Variants in B3GALNT1 observed in about 807,000 individuals in gnomAD.
B3GALNT1 encodes the protein UDP-GalNAc:beta-1,3-N-acetylgalactosaminyltransferase 1.
B3GALNT1 carries 17 observed loss-of-function variants against 27.3 expected under a neutral mutation model. The observed-to-expected ratio is 0.62, with a 90% confidence interval of 0.43 to 0.94. The LOEUF (loss-of-function observed/expected upper bound fraction) is 0.94, where lower values mean the gene tolerates loss of function less well. B3GALNT1 is among the 40% of genes least tolerant of loss of function. B3GALNT1 has a pLI of 0.00. For missense variants in B3GALNT1, 347 were observed against 390.0 expected (o/e 0.89, Z 0.93); for synonymous variants, 141 against 144.0 (o/e 0.98, Z 0.15).
At chr3:161,093,037 G>A (rs778219210) in intron 4 of B3GALNT1, among the ~76,000 whole-genome samples, 1 of 152,040 alleles carries the variant, frequency 6.6e-6, no homozygotes, top group African/African-American at 2.4e-5. Flanking sequence ...GATTACAGAC[G>A]TGAGCCACCG....
At chr3:161,098,483 G>C (rs142475752) in intron 4 of B3GALNT1, among the ~76,000 whole-genome samples, 1 of 152,314 alleles carries the variant, frequency 6.6e-6, no homozygotes, top group East Asian at 1.9e-4. Context: ...GGAGGCCAAG[G>C]CTGGCAGACT....
chr3:161,090,289 C>T (rs1724357236), intron 4 of B3GALNT1, among the ~76,000 whole-genome samples: 1 of 151,694 alleles, frequency 6.6e-6, no homozygotes, highest in Non-Finnish European at 1.5e-5. Flanking sequence ...ACTTATAATC[C>T]TAATGGGAGA....
chr3:161,104,734 T>C (rs36046993), intron 1 of B3GALNT1: 4,248 of 175,528 alleles, frequency 0.024, 205 homozygotes, highest in African/African-American at 0.097. Context: ...GGCCCTTCCC[T>C]AGCGCTCCGG....
Position 161,101,846 on chromosome 3 carries a change from C to T in B3GALNT1, c.-129-613G>A, listed in dbSNP as rs563157069. Among the ~76,000 whole-genome samples the T allele has an allele frequency of 2.0e-4, 30 of 152,300 alleles. No individual in the cohort carries two copies. The South Asian group carries it at 6.2e-3, about 32-fold the overall frequency. On this transcript the variant is annotated intron_variant, in intron 3 of 4. Transcript: ENST00000320474. ...ATCTTAGAAAGTGCGTAACTCCATT[C>T]TCAACGACAAAGTCTGTAACCAAAA...
chr3:161,102,706 C>G (rs1732029249), intron 3 of B3GALNT1, among the ~76,000 whole-genome samples: 1 of 152,138 alleles, frequency 6.6e-6, no homozygotes, highest in Non-Finnish European at 1.5e-5. Flanking sequence ...CGTGCTTGAC[C>G]CCATCCATGT....
At position 161,086,654 on chromosome 3, in the gene B3GALNT1, C is replaced by T; in HGVS notation, c.101G>A (p.Trp34Ter). ...ATTGTAGTGGGGAAGGCTGAGGTAC[C>T]ACATCACAAAGAAACTCAGGAGTGA... Reference protein sequence around the residue: ...LLSLLSFFVMWYLSLPHYNVI... With the variant: ...LLSLLSFFVM The change falls in exon 5 of 5, where the codon TGG (tryptophan) becomes TAG (stop). Residue 34 changes from tryptophan (W) to a stop codon, truncating the protein, a stop_gained. Transcript: ENST00000320474. LOFTEE classifies it high-confidence loss of function. 6.2e-7 allele frequency: 1 copy of T among 1,614,130 alleles called. No homozygotes were observed.
At chr3:161,087,245 G>C (rs1722521306) in intron 4 of B3GALNT1, among the ~76,000 whole-genome samples, 2 of 152,130 alleles carry the variant, frequency 1.3e-5, no homozygotes, top group South Asian at 4.1e-4. Flanking sequence ...AATAAACGAA[G>C]GGTCTTTCTC....
In B3GALNT1 at chr3:161,084,875, T is replaced by C. The variant is rs1720933639; in HGVS notation, c.*884A>G. The C allele has an allele frequency of 6.6e-6, 1 of 152,230 alleles. No individual in the cohort carries two copies. The highest frequency in any genetic ancestry group is 1.5e-5 in the Non-Finnish European group (1 of 68,036). 9.4% of individuals were successfully genotyped at this position (152,230 alleles called of 1,614,324 possible). On this transcript the variant is annotated 3_prime_UTR_variant, in exon 5 of 5. Coordinates refer to ENST00000320474, the MANE Select transcript of B3GALNT1 (RefSeq NM_003781.4). ...TTCAGAGTCCTTTCCAAAAGGAAAT[T>C]ACTGCCTTGCATTCTACATTATTCC...
In B3GALNT1 at chr3:161,104,383, A is replaced by T. The variant is rs1394531979; in HGVS notation, c.-285T>A. The T allele has an allele frequency of 7.8e-7, 1 of 1,288,516 alleles. No individual in the cohort carries two copies. Among genetic ancestry groups the T allele is most frequent in the Non-Finnish European group, 1.0e-6 (1 of 988,300 alleles). 79.8% of individuals were successfully genotyped at this position (1,288,516 alleles called of 1,614,324 possible). Reference sequence around the variant, plus strand: ...TCCTTGATAGCTTTTCCCACAACGCAGCCACCTCCTAAACGCAGGCAATCT... The same window carrying T: ...TCCTTGATAGCTTTTCCCACAACGCTGCCACCTCCTAAACGCAGGCAATCT... On this transcript the variant is annotated 5_prime_UTR_variant, in exon 2 of 5. Transcript: ENST00000320474.
chr3:161,086,733 C>G lies in B3GALNT1; in HGVS notation c.22G>C (p.Val8Leu). 2 of 1,614,044 alleles carry G rather than the reference C, an allele frequency of 1.2e-6. No individual in the cohort carries two copies. Among genetic ancestry groups the G allele is most frequent in the East Asian group, 2.2e-5 (1 of 44,880 alleles). ...CTCAGTGACATCCTACTCGGAAGGA[C>G]AGTCCAGAGAGCCGAGGCCATCCAC... The part of the protein sequence containing the change: MASALWT[V>L]LPSRMSLRSL... The change falls in exon 5 of 5, where the codon GTC (valine) becomes CTC (leucine). Residue 8 changes from valine (V) to leucine (L), a missense_variant. By Grantham distance (32) the Val-to-Leu change is conservative. Coordinates refer to ENST00000320474, the MANE Select transcript of B3GALNT1 (RefSeq NM_003781.4).
intron 4 of B3GALNT1, among the ~76,000 whole-genome samples, chr3:161,095,367 A>T (rs1355032931): frequency 6.6e-6 from 1 of 152,174 alleles, no homozygotes; most frequent in African/African-American, 2.4e-5. Flanking sequence ...AAAGTATATG[A>T]ATGTGCTTTG....
At chr3:161,094,648 C>T (rs544442969) in intron 4 of B3GALNT1, among the ~76,000 whole-genome samples, 1 of 151,882 alleles carries the variant, frequency 6.6e-6, no homozygotes, top group East Asian at 1.9e-4. Context: ...CAGAAGAGCA[C>T]AGAGACAATA....
chr3:161,101,302 T>C, intron 3 of B3GALNT1, 69 bp from the exon 4 acceptor site: 2 of 979,240 alleles, frequency 2.0e-6, no homozygotes, highest in Admixed American at 2.3e-5. Flanking sequence ...CTGGGCTTTC[T>C]GTGTCTGTTT....
rs1027272900 is a variant in B3GALNT1, at chr3:161,084,714, T to C, written c.*1045A>G. 6.6e-6 allele frequency: 1 copy of C among 152,168 alleles called. No individual in the cohort carries two copies. The highest frequency in any genetic ancestry group is 2.4e-5 in the African/African-American group (1 of 41,442). The allele number at this position is 152,168 out of a possible 1,614,324, so 9.4% of individuals were successfully genotyped here. ...CATAACAGCAGCAGCTCAAACTGAT[T>C]GTTAAAAGGAAAAAACACAGGGCAG... On this transcript the variant is annotated 3_prime_UTR_variant, in exon 5 of 5. Coordinates refer to ENST00000320474, the MANE Select transcript of B3GALNT1 (RefSeq NM_003781.4).
rs978148581 is a variant in B3GALNT1, at chr3:161,101,212, C to T, written c.-108G>A. 1.2e-5 allele frequency: 15 copies of T among 1,289,694 alleles called. No homozygotes were observed. Among genetic ancestry groups the T allele is most frequent in the African/African-American group, 3.0e-5 (2 of 65,820 alleles). The allele number at this position is 1,289,694 out of a possible 1,614,324, so 79.9% of individuals were successfully genotyped here. A position where few individuals can be genotyped will look rare whatever the true frequency, so the allele number is the denominator to read the frequency against. On this transcript the variant is annotated 5_prime_UTR_variant, in exon 4 of 5. Coordinates refer to ENST00000320474, the MANE Select transcript of B3GALNT1 (RefSeq NM_003781.4). ...CAGCGGGAAGAGCCAACAGGTCAAC[C>T]GGGTCCAGGGAGCTAAGAAAACTGG...
chr3:161,102,814 G>A (rs1162934231), intron 3 of B3GALNT1, among the ~76,000 whole-genome samples: 1 of 152,116 alleles, frequency 6.6e-6, no homozygotes, highest in Non-Finnish European at 1.5e-5. Flanking sequence ...AGTTGTGAAA[G>A]GGACAAAGAC....
At chr3:161,099,830 A>C (rs1367114873) in intron 4 of B3GALNT1, among the ~76,000 whole-genome samples, 15 of 151,332 alleles carry the variant, frequency 9.9e-5, no homozygotes, top group Non-Finnish European at 1.6e-4. Context: ...ACACACACAC[A>C]CCCCTAATAC....
At chr3:161,087,853 T>C (rs571728347) in intron 4 of B3GALNT1, among the ~76,000 whole-genome samples, 27 of 152,090 alleles carry the variant, frequency 1.8e-4, no homozygotes, top group Non-Finnish European at 3.5e-4. Context: ...CCAAAGGAAG[T>C]AGGAGACGGG....
chr3:161,104,466 C>T, intron 1 of B3GALNT1, 60 bp from the exon 2 acceptor site: 1 of 777,816 alleles, frequency 1.3e-6, no homozygotes, highest in Non-Finnish European at 1.8e-6. Context: ...CTCCTAAATC[C>T]AACATTAAGA....
Sources: allele counts gnomAD v4.1 joint callset (sites outside exome capture counted in the v4.1 genomes callset), GRCh38; gene constraint gnomAD v4.1.1; transcripts MANE v1.5; gene names NCBI Gene and HGNC (gene_info 2026-07-23, HGNC 2026-07-21).